DNAH14: variants seen among roughly 807,000 people sequenced by gnomAD.
The protein encoded by DNAH14 is dynein axonemal heavy chain 14.
DNAH14 carries 478 observed loss-of-function variants against 520.9 expected under a neutral mutation model. That is an observed-to-expected ratio of 0.92 (90% CI 0.85 to 0.99). The LOEUF (loss-of-function observed/expected upper bound fraction) is 0.99. Among genes scored for constraint, DNAH14 ranks in the 50% least tolerant of loss-of-function variants. The pLI is 0.00. For synonymous variants in DNAH14, 1,581 were observed against 1,757.2 expected (o/e 0.90, Z 2.51); for missense variants, 4,831 against 5,234.5 (o/e 0.92, Z 2.38).
At chr1:225,304,592 A>G (rs1223167541) in intron 57 of DNAH14, among the ~76,000 whole-genome samples, 6 of 152,146 alleles carry the variant, frequency 3.9e-5, no homozygotes, top group Non-Finnish European at 7.4e-5. Flanking sequence ...AAAGATAAAG[A>G]AAACATTATA....
Position 225,357,759 on chromosome 1 carries a change from A to G in DNAH14, c.11620-737A>G, listed in dbSNP as rs1272701878. ...AACTTCCCATGGTCCAACCTGGTACATCAAACAGGCACACTGACGTGTGTA... is the reference window on the plus strand; with the variant it reads ...AACTTCCCATGGTCCAACCTGGTACGTCAAACAGGCACACTGACGTGTGTA... On this transcript the variant is annotated intron_variant, in intron 73 of 85. Coordinates refer to ENST00000682510, the MANE Select transcript of DNAH14 (RefSeq NM_001367479.1). The G allele has an allele frequency of 2.4e-5, 17 of 701,226 alleles. No individual in the cohort carries two copies. In the East Asian group the frequency reaches 4.0e-4, roughly 17 times the overall value. 43.4% of individuals were successfully genotyped at this position (701,226 alleles called of 1,614,324 possible).
At chr1:225,392,928 G>T (rs937645681) in intron 84 of DNAH14, among the ~76,000 whole-genome samples, 2 of 152,152 alleles carry the variant, frequency 1.3e-5, no homozygotes, top group African/African-American at 4.8e-5. Context: ...GGCTGAAGCA[G>T]AGCACAGAGC....
chr1:225,125,376 G>T (rs866972941), intron 27 of DNAH14, among the ~76,000 whole-genome samples: 1 of 152,142 alleles, frequency 6.6e-6, no homozygotes, highest in Non-Finnish European at 1.5e-5. Flanking sequence ...AAAATCTGTT[G>T]TTCAGTGTAT....
rs1405722362 is a variant in DNAH14, at chr1:225,333,600, A to G, written c.10080+94A>G. The stretch of plus-strand genomic sequence containing the variant: ...AGTTTCGGCCTTGGATGTTGTCCCA[A>G]AATTATTTTGATAAATGAAAATATT... On this transcript the variant is annotated intron_variant, in intron 66 of 85. Transcript: ENST00000682510. 1.2e-5 allele frequency: 13 copies of G among 1,106,066 alleles called. No homozygotes were observed. In the Admixed American group the frequency reaches 3.0e-4, roughly 26 times the overall value. 68.5% of individuals were successfully genotyped at this position (1,106,066 alleles called of 1,614,324 possible).
At chr1:224,947,698 C>T (rs1044803795) in intron 1 of DNAH14, among the ~76,000 whole-genome samples, 2 of 151,814 alleles carry the variant, frequency 1.3e-5, no homozygotes, top group Admixed American at 6.6e-5. Flanking sequence ...TGTATATTTA[C>T]GTATGAGTAC....
intron 52 of DNAH14, among the ~76,000 whole-genome samples, chr1:225,274,672 T>C (rs1364779552): frequency 6.6e-6 from 1 of 152,168 alleles, no homozygotes; most frequent in Non-Finnish European, 1.5e-5. Flanking sequence ...GACTAAGAAA[T>C]AGATATAGAG....
Position 225,375,799 on chromosome 1 carries a change from T to C in DNAH14, c.12516+914T>C, listed in dbSNP as rs139968510. 1.3e-4 allele frequency among the ~76,000 whole-genome samples: 20 copies of C among 151,780 alleles called. No homozygotes were observed. In the East Asian group the frequency reaches 3.7e-3, roughly 28 times the overall value. On this transcript the variant is annotated intron_variant, in intron 78 of 85. Coordinates refer to ENST00000682510, the MANE Select transcript of DNAH14 (RefSeq NM_001367479.1). ...CAAAAAACAACAACAACAACAAGTG[T>C]CTTAAGGCCGGGTGCGGTGGCTCAT...
chr1:225,012,584 C>G (rs1050948405), intron 10 of DNAH14, among the ~76,000 whole-genome samples: 1 of 152,198 alleles, frequency 6.6e-6, no homozygotes, highest in Non-Finnish European at 1.5e-5. Context: ...CTCCCTGTCA[C>G]TTTCAGGTAC....
Position 224,966,604 on chromosome 1 carries a change from C to T in DNAH14, c.499-827C>T, listed in dbSNP as rs183785842. Among the ~76,000 whole-genome samples the T allele has an allele frequency of 9.3e-4, 141 of 152,294 alleles. 1 individual carries two copies. Among genetic ancestry groups the T allele is most frequent in the African/African-American group, 3.3e-3 (137 of 41,570 alleles). On this transcript the variant is annotated intron_variant, in intron 5 of 85. Coordinates refer to ENST00000682510, the MANE Select transcript of DNAH14 (RefSeq NM_001367479.1). ...TGCAATAGCTCAGAATATGGGTTTACAGTCAGACTTGGATTCACATCCCTA... is the reference window on the plus strand; with the variant it reads ...TGCAATAGCTCAGAATATGGGTTTATAGTCAGACTTGGATTCACATCCCTA...
intron 22 of DNAH14, 23 bp downstream of exon 22, chr1:225,097,262 T>A: frequency 1.3e-6 from 2 of 1,520,770 alleles, no homozygotes; most frequent in South Asian, 1.3e-5. Flanking sequence ...AAATATACCA[T>A]ATACAGGTTC....
At chr1:225,178,813 C>A (rs1465746817) in intron 36 of DNAH14, among the ~76,000 whole-genome samples, 1 of 152,100 alleles carries the variant, frequency 6.6e-6, no homozygotes, top group Admixed American at 6.5e-5. Flanking sequence ...GCTGTGTCCC[C>A]ACCCGTATCT....
At chr1:225,063,257 T>A (rs891454571) in intron 17 of DNAH14, among the ~76,000 whole-genome samples, 1 of 152,132 alleles carries the variant, frequency 6.6e-6, no homozygotes, top group East Asian at 1.9e-4. Flanking sequence ...CTTATGTAAA[T>A]CATGTATTTG....
chr1:225,138,147 G>A (rs1207757755), intron 27 of DNAH14, among the ~76,000 whole-genome samples: 1 of 152,110 alleles, frequency 6.6e-6, no homozygotes, highest in African/African-American at 2.4e-5. Context: ...GAGCTCTGTG[G>A]AACCAAGGAC....
intron 64 of DNAH14, among the ~76,000 whole-genome samples, chr1:225,327,354 G>T (rs1384597092): frequency 4.0e-5 from 6 of 151,766 alleles, no homozygotes; most frequent in Non-Finnish European, 8.8e-5. Context: ...GTAGAGACGG[G>T]GTTTCACCGT....
At chr1:225,313,236 G>T (rs1171221393) in intron 60 of DNAH14, among the ~76,000 whole-genome samples, 1 of 152,186 alleles carries the variant, frequency 6.6e-6, no homozygotes, top group Non-Finnish European at 1.5e-5. Context: ...TTGTGTAGAG[G>T]TGTTTATAGT....
intron 27 of DNAH14, among the ~76,000 whole-genome samples, chr1:225,134,833 G>C (rs1388896130): frequency 6.6e-6 from 1 of 152,092 alleles, no homozygotes; most frequent in African/African-American, 2.4e-5. Flanking sequence ...ATAGTATTCA[G>C]ATGTGAATCC....
chr1:225,042,693 G>A lies in DNAH14; in HGVS notation c.1489-142G>A, dbSNP rs1413278831. The stretch of plus-strand genomic sequence containing the variant: ...GCAATTTACTTATTTTAACATGCAA[G>A]TGTCAGGTATTTGGTAATACAGTGT... On this transcript the variant is annotated intron_variant, in intron 12 of 85. Coordinates refer to ENST00000682510, the MANE Select transcript of DNAH14 (RefSeq NM_001367479.1). 6 of 838,520 alleles carry A rather than the reference G, an allele frequency of 7.2e-6. No homozygotes were observed. In the African/African-American group the frequency reaches 8.6e-5, roughly 12 times the overall value. 51.9% of individuals were successfully genotyped at this position (838,520 alleles called of 1,614,324 possible). A position where few individuals can be genotyped will look rare whatever the true frequency, so the allele number is the denominator to read the frequency against.
intron 21 of DNAH14, among the ~76,000 whole-genome samples, chr1:225,087,151 G>GTT (rs2073912203): frequency 6.6e-6 from 1 of 152,170 alleles, no homozygotes; most frequent in Non-Finnish European, 1.5e-5. Context: ...TAAAAGAAAT[G>GTT]TATTTGGCTT....
intron 43 of DNAH14, among the ~76,000 whole-genome samples, chr1:225,242,151 T>C (rs1231172274): frequency 6.6e-6 from 1 of 152,162 alleles, no homozygotes; most frequent in African/African-American, 2.4e-5. Context: ...AGAGGATCGC[T>C]TGAGCCCAAG....
Sources: gnomAD v4.1 joint callset for allele counts (sites outside exome capture counted in the v4.1 genomes callset) on GRCh38, gnomAD v4.1.1 for gene constraint, MANE v1.5 for transcripts, NCBI Gene and HGNC (gene_info 2026-07-23, HGNC 2026-07-21) for gene names.